Variants in KCNIP4 observed in about 807,000 individuals in gnomAD.
KCNIP4 encodes Kv channel-interacting protein 4.
A neutral mutation model predicts 34.0 loss-of-function variants in KCNIP4; 12 were observed. That is an observed-to-expected ratio of 0.35 (90% CI 0.23 to 0.57). KCNIP4 has a LOEUF of 0.57. KCNIP4 is among the 20% of genes least tolerant of loss of function. The pLI is 0.83. For missense variants in KCNIP4, 238 were observed against 311.7 expected (o/e 0.76, Z 1.78); for synonymous variants, 124 against 102.2 (o/e 1.21, Z -1.29).
At chr4:21,778,112 G>A (rs1719301516) in intron 1 of KCNIP4, among the ~76,000 whole-genome samples, 1 of 151,774 alleles carries the variant, frequency 6.6e-6, no homozygotes, top group Non-Finnish European at 1.5e-5. Context: ...GAGTTTCAGA[G>A]CAGGAAAAAA....
intron 1 of KCNIP4, among the ~76,000 whole-genome samples, chr4:21,282,954 A>G (rs1020639746): frequency 6.6e-6 from 1 of 152,226 alleles, no homozygotes; most frequent in Non-Finnish European, 1.5e-5. Context: ...CAACTGCTGA[A>G]TGGTTAAACA....
intron 1 of KCNIP4, among the ~76,000 whole-genome samples, chr4:20,897,935 G>T (rs764833079): frequency 1.3e-5 from 2 of 152,094 alleles, no homozygotes; most frequent in Non-Finnish European, 2.9e-5. Context: ...CCAGATACCT[G>T]GTCAAATATT....
chr4:21,462,397 C>T (rs6842721), intron 1 of KCNIP4, among the ~76,000 whole-genome samples: 46 of 152,048 alleles, frequency 3.0e-4, no homozygotes, highest in Admixed American at 6.5e-4. Flanking sequence ...GGAAAACTCC[C>T]TCTTATAATA....
intron 1 of KCNIP4, among the ~76,000 whole-genome samples, chr4:21,510,321 A>C (rs1486804113): frequency 6.6e-6 from 1 of 152,276 alleles, no homozygotes; most frequent in East Asian, 1.9e-4. Context: ...CTTCAAAGAT[A>C]AGCAAATACA....
rs58465908 is a variant in KCNIP4, at chr4:21,247,735, G to GATATATAT, written c.62-365034_62-365027dup. ...GCAAAGCAAAAGCAATCCACAGGTGGATATATATATATATATATATATATA... is the reference window on the plus strand; with the variant it reads ...GCAAAGCAAAAGCAATCCACAGGTGGATATATATATATATATATATATATATATATATA... On this transcript the variant is annotated intron_variant, in intron 1 of 8. Coordinates refer to ENST00000382152, the MANE Select transcript of KCNIP4 (RefSeq NM_025221.6). Among the ~76,000 whole-genome samples, 396 of 61,332 alleles carry GATATATAT rather than the reference G, an allele frequency of 6.5e-3. 10 individuals are homozygous for GATATATAT. The highest frequency in any genetic ancestry group is 0.013 in the African/African-American group (127 of 9,512). The allele number at this position is 61,332 out of a possible 152,430, so 40.2% of individuals were successfully genotyped here.
intron 1 of KCNIP4, among the ~76,000 whole-genome samples, chr4:21,280,455 T>C (rs929943552): frequency 2.0e-5 from 3 of 152,188 alleles, no homozygotes; most frequent in African/African-American, 7.2e-5. Context: ...TCTACCACTC[T>C]AATTTGCACC....
intron 1 of KCNIP4, among the ~76,000 whole-genome samples, chr4:21,918,121 C>T (rs1216615467): frequency 6.6e-6 from 1 of 152,130 alleles, no homozygotes; most frequent in Non-Finnish European, 1.5e-5. Flanking sequence ...CTTATGCCCA[C>T]CAAGGTGGTA....
At chr4:21,792,233 G>T (rs4328900) in intron 1 of KCNIP4, among the ~76,000 whole-genome samples, 121,018 of 151,944 alleles carry the variant, frequency 0.8, 53,339 homozygotes, top group Non-Finnish European at 0.97. Context: ...GAATGTGGCA[G>T]GCCCACAACA....
intron 1 of KCNIP4, among the ~76,000 whole-genome samples, chr4:20,969,623 C>T (rs1734727097): frequency 6.6e-6 from 1 of 152,026 alleles, no homozygotes; most frequent in Non-Finnish European, 1.5e-5. Context: ...TAATTCCACT[C>T]TATGACTCCA....
At chr4:21,662,827 C>T (rs2108992893) in intron 1 of KCNIP4, among the ~76,000 whole-genome samples, 1 of 152,266 alleles carries the variant, frequency 6.6e-6, no homozygotes, top group South Asian at 2.1e-4. Context: ...ACACCAACAT[C>T]CTCCAGCATT....
intron 1 of KCNIP4, among the ~76,000 whole-genome samples, chr4:21,049,449 G>A (rs1005426964): frequency 6.6e-6 from 1 of 152,158 alleles, no homozygotes; most frequent in African/African-American, 2.4e-5. Flanking sequence ...ACCCTTGCAT[G>A]TTCAACCCCA....
Position 21,364,319 on chromosome 4 carries a change from A to G in KCNIP4, c.62-481610T>C, listed in dbSNP as rs184849415. On this transcript the variant is annotated intron_variant, in intron 1 of 8. Coordinates refer to ENST00000382152, the MANE Select transcript of KCNIP4 (RefSeq NM_025221.6). ...ATTGAAAGCCTGTTCAGTGCTAGGT[A>G]CAGGGAGTTTAAAACTGAATGGCAT... Among the ~76,000 whole-genome samples the G allele has an allele frequency of 3.3e-3, 504 of 152,292 alleles. 5 individuals are homozygous for G. Among genetic ancestry groups the G allele is most frequent in the African/African-American group, 0.012 (484 of 41,582 alleles).
chr4:20,876,580 T>G (rs573527289), intron 2 of KCNIP4, among the ~76,000 whole-genome samples: 8 of 152,188 alleles, frequency 5.3e-5, no homozygotes, highest in Admixed American at 1.3e-4. Context: ...TCTTTTTTTT[T>G]TTGTTCTGAG....
chr4:21,656,147 T>C (rs549560271), intron 1 of KCNIP4, among the ~76,000 whole-genome samples: 9 of 152,224 alleles, frequency 5.9e-5, no homozygotes, highest in Non-Finnish European at 1.0e-4. Context: ...ATCTACTCCA[T>C]GTCCCTCCTC....
At position 21,578,332 on chromosome 4, in the gene KCNIP4, C is replaced by CAAAAAAAAAA. The variant is rs71191522; in HGVS notation, c.61+370229_61+370238dup. Among the ~76,000 whole-genome samples, 37 of 75,126 alleles carry CAAAAAAAAAA rather than the reference C, an allele frequency of 4.9e-4. 3 individuals are homozygous for CAAAAAAAAAA. The highest frequency in any genetic ancestry group is 2.0e-3 in the African/African-American group (37 of 18,922). 49.3% of individuals were successfully genotyped at this position (75,126 alleles called of 152,430 possible). ...TGGGTGACAGAGCGAGACTCCGTCT[C>CAAAAAAAAAA]AAAAAAAAAAAAAAAAAAAAAAAAA... On this transcript the variant is annotated intron_variant, in intron 1 of 8. Transcript: ENST00000382152.
intron 1 of KCNIP4, among the ~76,000 whole-genome samples, chr4:21,436,951 T>C (rs910370020): frequency 6.6e-6 from 1 of 152,164 alleles, no homozygotes; most frequent in African/African-American, 2.4e-5. Flanking sequence ...AACCAACAAG[T>C]CCATATTCTA....
At chr4:20,783,705 C>T (rs1711546991) in intron 3 of KCNIP4, among the ~76,000 whole-genome samples, 1 of 152,146 alleles carries the variant, frequency 6.6e-6, no homozygotes, top group Non-Finnish European at 1.5e-5. Context: ...TGGTAACACA[C>T]TGAACTAGGG....
intron 1 of KCNIP4, among the ~76,000 whole-genome samples, chr4:20,896,660 T>A (rs1487566832): frequency 6.6e-6 from 1 of 152,174 alleles, no homozygotes. Context: ...GCCTACCCTG[T>A]GGAGACCTTA....
intron 1 of KCNIP4, chr4:21,304,566 G>T (rs1337197405): frequency 6.6e-6 from 1 of 152,272 alleles, no homozygotes; most frequent in Non-Finnish European, 1.5e-5. Context: ...AACGCTGAGA[G>T]GTGGAGTGAC....
Sources: gnomAD v4.1 joint callset for allele counts (sites outside exome capture counted in the v4.1 genomes callset) on GRCh38, gnomAD v4.1.1 for gene constraint, MANE v1.5 for transcripts, NCBI Gene and HGNC (gene_info 2026-07-23, HGNC 2026-07-21) for gene names.